Variants in POLR3B observed in about 807,000 individuals in gnomAD.
POLR3B encodes the protein DNA-directed RNA polymerase III subunit RPC2.
POLR3B carries 96 observed loss-of-function variants against 147.4 expected under a neutral mutation model. The ratio of observed to expected loss-of-function variants is 0.65; its 90% CI spans 0.55 to 0.77. The LOEUF (loss-of-function observed/expected upper bound fraction) is 0.77, where lower values mean the gene tolerates loss of function less well. Among genes scored for constraint, POLR3B ranks in the 30% least tolerant of loss-of-function variants. POLR3B has a pLI of 0.00. For missense variants in POLR3B, 1,036 were observed against 1,413.5 expected, an observed-to-expected ratio of 0.73 and a Z score of 4.28; for synonymous variants, 461 against 485.9, an observed-to-expected ratio of 0.95 and a Z score of 0.67.
intron 12 of POLR3B, among the ~76,000 whole-genome samples, chr12:106,423,237 C>A (rs2037394718): frequency 6.6e-6 from 1 of 152,094 alleles, no homozygotes; most frequent in Non-Finnish European, 1.5e-5. Flanking sequence ...GTTGTTTAAA[C>A]AAATTGTCGC....
chr12:106,384,793 T>C (rs1014609733), intron 9 of POLR3B, among the ~76,000 whole-genome samples: 1 of 152,060 alleles, frequency 6.6e-6, no homozygotes, highest in African/African-American at 2.4e-5. Context: ...TGCTGTTGGC[T>C]AACTTCAAAG....
chr12:106,478,197 A>G (rs781549449), intron 23 of POLR3B, among the ~76,000 whole-genome samples: 2 of 152,056 alleles, frequency 1.3e-5, no homozygotes, highest in Non-Finnish European at 2.9e-5. Context: ...GTGAGCCACC[A>G]TGCCCGGCCA....
At chr12:106,378,581 T>C (rs1233050624) in intron 8 of POLR3B, among the ~76,000 whole-genome samples, 197 bp downstream of exon 8, 1 of 152,178 alleles carries the variant, frequency 6.6e-6, no homozygotes, top group Admixed American at 6.5e-5. Flanking sequence ...GATGGGAGTC[T>C]GAGACATTGT....
intron 19 of POLR3B, among the ~76,000 whole-genome samples, chr12:106,454,060 T>A (rs181056279): frequency 1.8e-3 from 268 of 152,354 alleles, no homozygotes; most frequent in Non-Finnish European, 3.0e-3. Flanking sequence ...TTTAGAACTT[T>A]TGCAATTATT....
intron 16 of POLR3B, 73 bp from the exon 17 acceptor site, chr12:106,436,984 T>G (rs141174345): frequency 6.6e-5 from 76 of 1,149,062 alleles, no homozygotes; most frequent in Non-Finnish European, 9.5e-5. Context: ...CTCATCTCAC[T>G]TTGGTAAACT....
At chr12:106,444,423 C>T (rs2037695062) in intron 18 of POLR3B, 40 bp from the exon 19 acceptor site, 9 of 1,608,378 alleles carry the variant, frequency 5.6e-6, no homozygotes, top group Non-Finnish European at 7.7e-6. Context: ...TATTTTTGTA[C>T]TTGATGCTTA....
chr12:106,374,120 C>CAGGAAGAGA (rs2036645992), intron 6 of POLR3B, among the ~76,000 whole-genome samples: 1 of 152,136 alleles, frequency 6.6e-6, no homozygotes, highest in East Asian at 1.9e-4. Flanking sequence ...CCTTTATTCT[C>CAGGAAGAGA]TTCCTGGCAA....
chr12:106,443,971 G>C (rs11112995), intron 18 of POLR3B, among the ~76,000 whole-genome samples: 59,810 of 151,774 alleles, frequency 0.39, 13,991 homozygotes, highest in African/African-American at 0.65. Context: ...ACTACAGGTG[G>C]GTGCCACCAC....
At chr12:106,376,098 G>T (rs1334666417) in intron 6 of POLR3B, among the ~76,000 whole-genome samples, 2 of 152,120 alleles carry the variant, frequency 1.3e-5, no homozygotes, top group Non-Finnish European at 2.9e-5. Flanking sequence ...CACCCACCTT[G>T]GCCTCCCAAA....
chr12:106,395,596 A>T (rs1449405250), intron 10 of POLR3B, among the ~76,000 whole-genome samples: 1 of 152,224 alleles, frequency 6.6e-6, no homozygotes, highest in Non-Finnish European at 1.5e-5. Flanking sequence ...TTTGGTAGGG[A>T]CACAGATCCA....
chr12:106,393,213 T>C (rs1276105463), intron 10 of POLR3B, 60 bp downstream of exon 10: 11 of 1,605,384 alleles, frequency 6.9e-6, no homozygotes, highest in Non-Finnish European at 9.4e-6. Context: ...ATGCTGCTCA[T>C]TGATAAAGCT....
chr12:106,400,466 C>G (rs551142885), intron 10 of POLR3B, among the ~76,000 whole-genome samples: 1 of 152,296 alleles, frequency 6.6e-6, no homozygotes, highest in Admixed American at 6.5e-5. Flanking sequence ...GACTCTGCAC[C>G]AAGTGGACCT....
chr12:106,498,144 G>A (rs2038526944), intron 25 of POLR3B, among the ~76,000 whole-genome samples: 1 of 152,206 alleles, frequency 6.6e-6, no homozygotes, highest in East Asian at 1.9e-4. Context: ...AACTGGCTAT[G>A]ATATTTCAAC....
At chr12:106,388,586 G>A (rs1193382170) in intron 9 of POLR3B, among the ~76,000 whole-genome samples, 1 of 152,190 alleles carries the variant, frequency 6.6e-6, no homozygotes, top group East Asian at 1.9e-4. Flanking sequence ...AAAGTGCTGG[G>A]ATTACAGGCG....
chr12:106,425,553 T>A (rs1489323819), intron 12 of POLR3B, among the ~76,000 whole-genome samples: 1 of 152,140 alleles, frequency 6.6e-6, no homozygotes, highest in Non-Finnish European at 1.5e-5. Flanking sequence ...TAGGTGTTGC[T>A]TCCTATGCAA....
intron 24 of POLR3B, 34 bp downstream of exon 24, chr12:106,496,192 C>A (rs778262006): frequency 7.9e-7 from 1 of 1,266,114 alleles, no homozygotes; most frequent in Non-Finnish European, 1.2e-6. Context: ...GAGGCATTGC[C>A]TTTAAGGAAG....
At chr12:106,411,264 G>A (rs1482769461) in intron 12 of POLR3B, among the ~76,000 whole-genome samples, 3 of 151,902 alleles carry the variant, frequency 2.0e-5, no homozygotes, top group South Asian at 2.1e-4. Flanking sequence ...TCAGCCTCCC[G>A]AGTAGCTGTG....
chr12:106,433,758 TG>T lies in POLR3B; in HGVS notation c.1668del (p.Asn557IlefsTer6), dbSNP rs1344127949. 6.2e-7 allele frequency: 1 copy of T among 1,613,678 alleles called. No individual in the cohort carries two copies. Among genetic ancestry groups the T allele is most frequent in the Non-Finnish European group, 8.5e-7 (1 of 1,179,680 alleles). ...GTCATTCGAGACCACAAAAAGCTAG[TG>T]AATACATTTCGACTCATGAGAAGAG... ...LGVIRDHKKL[V>X]NTFRLMRRAG... On this transcript the variant is annotated frameshift_variant, in exon 16 of 28. Transcript: ENST00000228347. LOFTEE classifies it high-confidence loss of function.
intron 6 of POLR3B, among the ~76,000 whole-genome samples, chr12:106,372,641 A>G (rs1241561365): frequency 6.6e-6 from 1 of 152,030 alleles, no homozygotes; most frequent in Non-Finnish European, 1.5e-5. Flanking sequence ...ATGCGTGGCC[A>G]ATATCCATAA....
Sources: allele counts gnomAD v4.1 joint callset (sites outside exome capture counted in the v4.1 genomes callset), GRCh38; gene constraint gnomAD v4.1.1; transcripts MANE v1.5; gene names NCBI Gene and HGNC (gene_info 2026-07-23, HGNC 2026-07-21).